The following PLEKHS1 variants were observed in gnomAD, a reference collection of about 807,000 sequenced individuals.
PLEKHS1 encodes the protein pleckstrin homology domain containing S1, also known as pleckstrin homology domain-containing family S member 1.
A neutral mutation model predicts 51.0 loss-of-function variants in PLEKHS1; 55 were observed. The ratio of observed to expected loss-of-function variants is 1.08; its 90% CI spans 0.87 to 1.35. The LOEUF is 1.35. Ranked by LOEUF, PLEKHS1 falls within the 40% of genes most tolerant of loss-of-function variation. The probability of loss-of-function intolerance (pLI) is 0.00; values close to 1 mark genes in which losing one functional copy is unlikely to be tolerated. For missense variants in PLEKHS1, 398 were observed against 423.0 expected, an observed-to-expected ratio of 0.94 and a Z score of 0.52; for synonymous variants, 153 against 144.8, an observed-to-expected ratio of 1.06 and a Z score of -0.41.
intron 2 of PLEKHS1, among the ~76,000 whole-genome samples, chr10:113,762,200 A>G (rs1244872992): frequency 1.3e-5 from 2 of 151,718 alleles, no homozygotes; most frequent in Non-Finnish European, 3.0e-5. Flanking sequence ...TTTTCTCTCC[A>G]GTTTTTCTGG....
At chr10:113,780,349 C>T (rs144519866) in intron 11 of PLEKHS1, among the ~76,000 whole-genome samples, 2 of 152,156 alleles carry the variant, frequency 1.3e-5, no homozygotes, top group East Asian at 3.9e-4. Flanking sequence ...CTTAGAGCAC[C>T]ATCAATGCTA....
At chr10:113,775,058 T>C in intron 10 of PLEKHS1, 23 bp downstream of exon 10, 1 of 1,602,490 alleles carries the variant, frequency 6.2e-7, no homozygotes, top group Non-Finnish European at 8.5e-7. Flanking sequence ...TTTCTAAAAC[T>C]TGATGGGCCC....
At chr10:113,777,788 C>T (rs964166386) in intron 11 of PLEKHS1, 9 of 1,441,368 alleles carry the variant, frequency 6.2e-6, no homozygotes, top group Middle Eastern at 2.5e-4. Context: ...TCTCAGAAAT[C>T]GTCACAGCCC....
At chr10:113,754,771 A>C (rs998533803) in intron 1 of PLEKHS1, among the ~76,000 whole-genome samples, 7 of 152,184 alleles carry the variant, frequency 4.6e-5, no homozygotes, top group African/African-American at 1.7e-4. Context: ...GGCATGAGCC[A>C]CCGTGCCTGG....
intron 2 of PLEKHS1, chr10:113,765,457 C>A: frequency 1.3e-6 from 1 of 774,222 alleles, no homozygotes; most frequent in South Asian, 1.4e-5. Flanking sequence ...CAGGTAGTTT[C>A]AGCACACACA....
intron 2 of PLEKHS1, among the ~76,000 whole-genome samples, chr10:113,761,939 A>G (rs1290365243): frequency 6.6e-6 from 1 of 152,064 alleles, no homozygotes; most frequent in Non-Finnish European, 1.5e-5. Context: ...AGAGAACAGT[A>G]CAGCCACTTG....
exon 12 of PLEKHS1, chr10:113,781,118 A>C: frequency 3.7e-6 from 1 of 273,108 alleles, no homozygotes; most frequent in East Asian, 7.4e-5. Context: ...GTTAAGGGAC[A>C]TACAGTTGCA....
At chr10:113,779,590 C>T (rs1844808875) in intron 11 of PLEKHS1, among the ~76,000 whole-genome samples, 1 of 148,748 alleles carries the variant, frequency 6.7e-6, no homozygotes, top group Non-Finnish European at 1.5e-5. Flanking sequence ...AAAAAGGATC[C>T]ACATACACTG....
At chr10:113,752,019 T>G (rs1853865580) in intron 1 of PLEKHS1, among the ~76,000 whole-genome samples, 1 of 152,118 alleles carries the variant, frequency 6.6e-6, no homozygotes, top group Admixed American at 6.6e-5. Flanking sequence ...TGTGGGGAGA[T>G]TCTCCTGAAT....
intron 11 of PLEKHS1, among the ~76,000 whole-genome samples, chr10:113,778,695 G>C (rs1844774222): frequency 6.7e-6 from 1 of 148,294 alleles, no homozygotes; most frequent in Non-Finnish European, 1.5e-5. Flanking sequence ...CCAGGCTGGA[G>C]TGCAGTGGCG....
intron 2 of PLEKHS1, chr10:113,765,187 G>A: frequency 2.1e-6 from 1 of 466,464 alleles, no homozygotes; most frequent in Non-Finnish European, 3.9e-6. Context: ...TATGAATCTT[G>A]AGCTTTGTTC....
At position 113,769,695 on chromosome 10, in the gene PLEKHS1, C is replaced by T. The variant is rs914800393; in HGVS notation, c.436-89C>T. ...AATGTTAGATTGCTATGGGAAAAGA[C>T]AGGAGGCAAGGAGCCCGGTAGAGAG... On this transcript the variant is annotated intron_variant, in intron 6 of 11. Transcript: ENST00000361048. 7 of 801,432 alleles carry T rather than the reference C, an allele frequency of 8.7e-6. No individual in the cohort carries two copies. In the Admixed American group the frequency reaches 9.1e-5, roughly 10 times the overall value. 49.6% of individuals were successfully genotyped at this position (801,432 alleles called of 1,614,324 possible).
At chr10:113,765,967 T>C (rs1193751838) in intron 2 of PLEKHS1, among the ~76,000 whole-genome samples, 1 of 152,248 alleles carries the variant, frequency 6.6e-6, no homozygotes, top group Non-Finnish European at 1.5e-5. Context: ...TGTGTTTACC[T>C]TCACTCCTTT....
intron 2 of PLEKHS1, chr10:113,765,343 C>T (rs761125526): frequency 9.0e-6 from 7 of 779,258 alleles, no homozygotes; most frequent in East Asian, 2.4e-5. Flanking sequence ...TTCCTGAGTA[C>T]TCTACCCAAT....
chr10:113,778,643 C>CTT (rs55821501), intron 11 of PLEKHS1, among the ~76,000 whole-genome samples: 18,178 of 126,968 alleles, frequency 0.14, 1,896 homozygotes, highest in Non-Finnish European at 0.19. Context: ...CGTTCACTTT[C>CTT]TTTTTTTTTT....
intron 2 of PLEKHS1, among the ~76,000 whole-genome samples, chr10:113,762,603 T>C (rs1843991867): frequency 6.6e-6 from 1 of 151,972 alleles, no homozygotes; most frequent in Non-Finnish European, 1.5e-5. Context: ...AATTTAGAGA[T>C]TATTTATTTC....
chr10:113,777,879 C>T, intron 11 of PLEKHS1: 1 of 920,244 alleles, frequency 1.1e-6, no homozygotes, highest in South Asian at 1.8e-5. Context: ...AATCCCAGCA[C>T]TTCGGAAGGC....
At chr10:113,756,129 T>C (rs1262202895) in intron 2 of PLEKHS1, among the ~76,000 whole-genome samples, 1 of 152,200 alleles carries the variant, frequency 6.6e-6, no homozygotes, top group Non-Finnish European at 1.5e-5. Context: ...ACAAAGCACC[T>C]ATTACTAGTG....
intron 2 of PLEKHS1, among the ~76,000 whole-genome samples, 200 bp from the exon 3 acceptor site, chr10:113,766,211 T>C (rs747348412): frequency 1.3e-5 from 2 of 152,230 alleles, no homozygotes; most frequent in Admixed American, 6.5e-5. Context: ...TTTCAAATGT[T>C]GTTTGAATGA....
Sources: allele counts gnomAD v4.1 joint callset (sites outside exome capture counted in the v4.1 genomes callset), GRCh38; gene constraint gnomAD v4.1.1; transcripts MANE v1.5; gene names NCBI Gene and HGNC (gene_info 2026-07-23, HGNC 2026-07-21).